The following MCMBP variants were observed in gnomAD, a reference collection of about 807,000 sequenced individuals.
The protein encoded by MCMBP is mini-chromosome maintenance complex-binding protein.
MCMBP carries 31 observed loss-of-function variants against 81.3 expected under a neutral mutation model. The ratio of observed to expected loss-of-function variants is 0.38; its 90% CI spans 0.29 to 0.51. MCMBP has a LOEUF of 0.51. Among genes scored for constraint, MCMBP ranks in the 20% least tolerant of loss-of-function variants. The pLI, the probability that MCMBP is intolerant of heterozygous loss-of-function variation, is 0.87. For missense variants in MCMBP, 645 were observed against 772.1 expected, an observed-to-expected ratio of 0.84 and a Z score of 1.95; for synonymous variants, 267 against 275.9, an observed-to-expected ratio of 0.97 and a Z score of 0.32.
intron 1 of MCMBP, among the ~76,000 whole-genome samples, chr10:119,864,090 G>A (rs1161547959): frequency 6.6e-6 from 1 of 152,202 alleles, no homozygotes; most frequent in Non-Finnish European, 1.5e-5. Context: ...GGAAGTTAGA[G>A]TAAGATGTGA....
At chr10:119,865,331 C>T (rs1269218243) in intron 1 of MCMBP, among the ~76,000 whole-genome samples, 1 of 152,166 alleles carries the variant, frequency 6.6e-6, no homozygotes, top group Non-Finnish European at 1.5e-5. Flanking sequence ...GTGGCTTATG[C>T]CCGTAATCCC....
chr10:119,867,292 CAAAAAAAAAAA>C (rs372338008), intron 1 of MCMBP, among the ~76,000 whole-genome samples: 5 of 48,714 alleles, frequency 1.0e-4, no homozygotes, highest in African/African-American at 3.6e-4. Flanking sequence ...GACTCCATCT[CAAAAAAAAAAA>C]AAAAAAAAAA....
chr10:119,851,782 G>A (rs1457538621), intron 6 of MCMBP, among the ~76,000 whole-genome samples: 1 of 152,066 alleles, frequency 6.6e-6, no homozygotes, highest in East Asian at 1.9e-4. Flanking sequence ...AGAAAATCTG[G>A]AAATATCAAT....
At chr10:119,853,832 G>A (rs1852923522) in intron 5 of MCMBP, among the ~76,000 whole-genome samples, 1 of 152,038 alleles carries the variant, frequency 6.6e-6, no homozygotes, top group South Asian at 2.1e-4. Context: ...TAGGCATTTG[G>A]GTAAGACCCA....
rs1852208644 is a variant in MCMBP at position 119,835,535 on chromosome 10, C to CA, written c.1707+4dup. 1.2e-6 allele frequency: 2 copies of CA among 1,610,952 alleles called. No homozygotes were observed. Among genetic ancestry groups the CA allele is most frequent in the African/African-American group, 2.7e-5 (2 of 74,854 alleles). ...GGGAAATCCTTTATTTTAACCTAGA[C>CA]ATACCTTGGTTATTTCATCAGATAT... On this transcript the variant is annotated splice_donor_region_variant and intron_variant, in intron 14 of 15. Transcript: ENST00000369077.
rs548787209 is a variant in MCMBP at position 119,861,897 on chromosome 10, C to T, written c.59-2013G>A. On this transcript the variant is annotated intron_variant, in intron 1 of 15. Transcript: ENST00000369077. ...CTGGGACCACAGGCACGGGCCACCACGCCTGGCTAATTTTTAAATCTTTTT... is the reference window on the plus strand; with the variant it reads ...CTGGGACCACAGGCACGGGCCACCATGCCTGGCTAATTTTTAAATCTTTTT... 1.2e-4 allele frequency among the ~76,000 whole-genome samples: 19 copies of T among 152,230 alleles called. No individual in the cohort carries two copies. In the South Asian group the frequency reaches 1.7e-3, roughly 13 times the overall value.
At chr10:119,858,715 T>TA (rs571239374) in intron 4 of MCMBP, among the ~76,000 whole-genome samples, 169 bp downstream of exon 4, 2 of 151,782 alleles carry the variant, frequency 1.3e-5, no homozygotes, top group African/African-American at 4.8e-5. Context: ...TTTAGAGGAT[T>TA]AAAAAAAAGT....
At chr10:119,858,996 A>G (rs749104403) in intron 3 of MCMBP, 45 bp downstream of exon 3, 3 of 1,611,092 alleles carry the variant, frequency 1.9e-6, no homozygotes, top group African/African-American at 1.3e-5. Context: ...CAACAGTAAA[A>G]GGACAAAATT....
chr10:119,842,931 T>G, intron 9 of MCMBP: 1 of 374,186 alleles, frequency 2.7e-6, no homozygotes, highest in Non-Finnish European at 5.1e-6. Flanking sequence ...TTTTGTATTT[T>G]TAGTAGAGCC....
chr10:119,832,360 T>C (rs549624046), intron 14 of MCMBP, among the ~76,000 whole-genome samples: 11 of 152,270 alleles, frequency 7.2e-5, no homozygotes, highest in Non-Finnish European at 1.5e-4. Flanking sequence ...GGAAGAGTGA[T>C]GTTAGTGAAA....
chr10:119,829,496 G>A lies in MCMBP; in HGVS notation c.*1978C>T, dbSNP rs1285909941. The stretch of plus-strand genomic sequence containing the variant: ...TTAAGAAGGCAAAGTTCCAAACAGG[G>A]TTACACAGGAGTCTACTCAGTTTCC... On this transcript the variant is annotated 3_prime_UTR_variant, in exon 16 of 16. Coordinates refer to ENST00000369077, the MANE Select transcript of MCMBP (RefSeq NM_001256378.2). 1.3e-5 allele frequency: 2 copies of A among 152,164 alleles called. No homozygotes were observed. Among genetic ancestry groups the A allele is most frequent in the Admixed American group, 6.5e-5 (1 of 15,276 alleles). The allele number at this position is 152,164 out of a possible 1,614,324, so 9.4% of individuals were successfully genotyped here. A position where few individuals can be genotyped will look rare whatever the true frequency, so the allele number is the denominator to read the frequency against.
intron 1 of MCMBP, among the ~76,000 whole-genome samples, chr10:119,871,245 G>A (rs1032502777): frequency 6.6e-5 from 10 of 151,934 alleles, no homozygotes; most frequent in Admixed American, 5.9e-4. Context: ...GTTGACCATC[G>A]ATTATCATTT....
In MCMBP at chr10:119,830,856, C is replaced by G. The variant is rs2134326330; in HGVS notation, c.*618G>C. On this transcript the variant is annotated 3_prime_UTR_variant, in exon 16 of 16. Coordinates refer to ENST00000369077, the MANE Select transcript of MCMBP (RefSeq NM_001256378.2). The stretch of plus-strand genomic sequence containing the variant: ...AATATTACTACCGGTCCATAAAATA[C>G]AAAAGTCTGGGAACCACTGCCATGT... 6.5e-6 allele frequency: 1 copy of G among 152,700 alleles called. No homozygotes were observed. The highest frequency in any genetic ancestry group is 3.4e-3 in the Middle Eastern group (1 of 294). 9.5% of individuals were successfully genotyped at this position (152,700 alleles called of 1,614,324 possible).
chr10:119,846,393 G>A (rs1251780205), intron 8 of MCMBP, among the ~76,000 whole-genome samples: 3 of 152,152 alleles, frequency 2.0e-5, no homozygotes, highest in African/African-American at 7.2e-5. Context: ...ATAAATAAAT[G>A]TACTGCGTTA....
At chr10:119,837,443 C>T (rs1366501301) in intron 12 of MCMBP, among the ~76,000 whole-genome samples, 1 of 152,076 alleles carries the variant, frequency 6.6e-6, no homozygotes, top group African/African-American at 2.4e-5. Flanking sequence ...TTTCTTCTAC[C>T]TTTACCTCTT....
chr10:119,834,914 A>T (rs1001908128), intron 14 of MCMBP, among the ~76,000 whole-genome samples: 6 of 151,910 alleles, frequency 3.9e-5, no homozygotes, highest in Non-Finnish European at 5.9e-5. Context: ...CTGCCATGCA[A>T]GAAACACTAA....
chr10:119,870,644 A>G (rs1240663229), intron 1 of MCMBP, among the ~76,000 whole-genome samples: 1 of 152,196 alleles, frequency 6.6e-6, no homozygotes, highest in Non-Finnish European at 1.5e-5. Context: ...TGTACAATGC[A>G]TATGCATTAC....
rs369547077 is a variant in MCMBP, at chr10:119,862,920, CA to C, written c.59-3037del. 2.4e-3 allele frequency among the ~76,000 whole-genome samples: 362 copies of C among 152,290 alleles called. 1 individual carries two copies. The highest frequency in any genetic ancestry group is 7.9e-3 in the African/African-American group (328 of 41,558). ...ATGGCTAACAATGCTGAACTCTTCT[CA>C]GGGGGATATTTGCCATCCTTGTATC... On this transcript the variant is annotated intron_variant, in intron 1 of 15. Transcript: ENST00000369077.
At chr10:119,873,054 C>G (rs1053304311), upstream of MCMBP, among the ~76,000 whole-genome samples, 4 of 151,872 alleles carry the variant, frequency 2.6e-5, no homozygotes, top group African/African-American at 4.8e-5. Context: ...GCTCCAAGGG[C>G]GGCGCGTTGT....
Sources: gnomAD v4.1 joint callset for allele counts (sites outside exome capture counted in the v4.1 genomes callset) on GRCh38, gnomAD v4.1.1 for gene constraint, MANE v1.5 for transcripts, NCBI Gene and HGNC (gene_info 2026-07-23, HGNC 2026-07-21) for gene names.